The following NIBAN3 variants were observed in gnomAD, a reference collection of about 807,000 sequenced individuals.
NIBAN3 encodes niban apoptosis regulator 3.
Under a neutral mutation model 76.4 loss-of-function variants are expected in NIBAN3, and 66 were observed. The ratio of observed to expected loss-of-function variants is 0.86; its 90% CI spans 0.71 to 1.06. The LOEUF is 1.06. Ranked by LOEUF, NIBAN3 falls within the 50% of genes least tolerant of loss-of-function variation. NIBAN3 has a pLI of 0.00. For synonymous variants in NIBAN3, 360 were observed against 355.2 expected, an observed-to-expected ratio of 1.01 and a Z score of -0.15; for missense variants, 808 against 810.7, an observed-to-expected ratio of 1.00 and a Z score of 0.04.
intron 14 of NIBAN3, among the ~76,000 whole-genome samples, chr19:17,550,916 T>C (rs1196648448): frequency 1.4e-5 from 2 of 145,828 alleles, no homozygotes; most frequent in African/African-American, 5.1e-5. Flanking sequence ...CCTCAGAATT[T>C]AAAGTATGTG....
upstream of NIBAN3, among the ~76,000 whole-genome samples, chr19:17,524,915 T>G (rs116234123): frequency 6.6e-6 from 1 of 152,216 alleles, no homozygotes; most frequent in Admixed American, 6.5e-5. Flanking sequence ...ATGGCCAGCC[T>G]GGGTTGCACA....
At chr19:17,539,579 TC>T (rs779867144) in intron 7 of NIBAN3, 23 bp from the exon 8 acceptor site, 12 of 1,512,492 alleles carry the variant, frequency 7.9e-6, no homozygotes, top group Non-Finnish European at 1.1e-5. Context: ...CTCGGCTTTG[TC>T]CCCCCTCGAC....
In NIBAN3 at chr19:17,540,430, G is replaced by T. The variant is rs756999527; in HGVS notation, c.1018G>T (p.Glu340Ter). Reference protein sequence around the residue: ...RGPLESCLRREVDPQLPRVVQ... With the variant: ...RGPLESCLRR The stretch of plus-strand genomic sequence containing the variant: ...ACCGCTCGAGTCGTGCCTGCGCCGG[G>T]AGGTGGACCCGCAGCTGCCCCGGGT... Residue 340 changes from glutamate to a stop codon, truncating the protein, a stop_gained, in exon 9 of 15, where the codon GAG (glutamate) becomes TAG (stop). Coordinates refer to ENST00000599164, the MANE Select transcript of NIBAN3 (RefSeq NM_001321827.2). LOFTEE classifies it high-confidence loss of function. 1 of 1,538,566 alleles carries T rather than the reference G, an allele frequency of 6.5e-7. No homozygotes were observed. Among genetic ancestry groups the T allele is most frequent in the Non-Finnish European group, 8.8e-7 (1 of 1,141,930 alleles).
rs369168364 is a variant in NIBAN3, at chr19:17,546,672, C to T, written c.1555-14C>T. 4.9e-5 allele frequency: 76 copies of T among 1,536,598 alleles called. 1 individual carries two copies. In the Middle Eastern group the frequency reaches 1.2e-3, roughly 24 times the overall value. ...CTCCTCTCCATCCGAGCCCCTAACC[C>T]GCCATGGTTCCAGGAGCTGCCTGAG... On this transcript the variant is annotated splice_polypyrimidine_tract_variant and intron_variant, in intron 12 of 14. Transcript: ENST00000599164.
intron 4 of NIBAN3, among the ~76,000 whole-genome samples, chr19:17,534,517 C>T (rs1466292678): frequency 1.3e-5 from 2 of 151,692 alleles, no homozygotes; most frequent in African/African-American, 4.8e-5. Flanking sequence ...GTAGGCCGGG[C>T]GTGGTGGCTC....
At chr19:17,555,523 C>T, downstream of NIBAN3, 1 of 431,494 alleles carries the variant, frequency 2.3e-6, no homozygotes, top group Non-Finnish European at 3.4e-6. Context: ...GCGGGGCGTC[C>T]TGGGTAGGGC....
In NIBAN3 at chr19:17,539,428, G is replaced by C; in HGVS notation, c.793G>C (p.Ala265Pro). Residue 265 changes from alanine to proline, a missense_variant, in exon 7 of 15, where the codon GCC (alanine) becomes CCC (proline). Ala to Pro is a conservative substitution (Grantham distance 27). Coordinates refer to ENST00000599164, the MANE Select transcript of NIBAN3 (RefSeq NM_001321827.2). ...TCCTGGCCTGCGGGGGGCAGGCCGCGCCCGCGCCTGGGCCTGGACCGAGGT... is the reference window on the plus strand; with the variant it reads ...TCCTGGCCTGCGGGGGGCAGGCCGCCCCCGCGCCTGGGCCTGGACCGAGGT... ...TLPGLRGAGR[A>P]RAWAWTELLD... 6.6e-7 allele frequency: 1 copy of C among 1,505,332 alleles called. No homozygotes were observed. Among genetic ancestry groups the C allele is most frequent in the Non-Finnish European group, 8.8e-7 (1 of 1,131,544 alleles). The allele number at this position is 1,505,332 out of a possible 1,614,324, so 93.2% of individuals were successfully genotyped here. A position where few individuals can be genotyped will look rare whatever the true frequency, so the allele number is the denominator to read the frequency against.
chr19:17,535,979 C>T (rs73504255), intron 4 of NIBAN3, among the ~76,000 whole-genome samples: 1 of 152,038 alleles, frequency 6.6e-6, no homozygotes, highest in Non-Finnish European at 1.5e-5. Flanking sequence ...GTGTCCCAGA[C>T]GTATCAAGGA....
At chr19:17,554,779 C>CAAAA, downstream of NIBAN3, among the ~76,000 whole-genome samples, 1 of 118,288 alleles carries the variant, frequency 8.5e-6, no homozygotes, top group Admixed American at 9.2e-5. Context: ...GACGCTGTCT[C>CAAAA]AAAAAAAAAA....
Position 17,531,771 on chromosome 19 carries a change from T to C in NIBAN3, c.187-492T>C, listed in dbSNP as rs541802519. 5.3e-5 allele frequency among the ~76,000 whole-genome samples: 8 copies of C among 152,282 alleles called. No individual in the cohort carries two copies. The South Asian group carries it at 1.7e-3, about 32-fold the overall frequency. On this transcript the variant is annotated intron_variant, in intron 2 of 14. Transcript: ENST00000599164. ...CTGATCTCGAACTCCTGACCTCAAG[T>C]GATCTCCCCACCTTGGCCTCCCAAA...
chr19:17,551,105 T>C (rs2076147785), intron 14 of NIBAN3, among the ~76,000 whole-genome samples: 1 of 151,954 alleles, frequency 6.6e-6, no homozygotes, highest in Non-Finnish European at 1.5e-5. Context: ...TATTTATTTA[T>C]TTATTTTTTG....
chr19:17,528,666 G>A (rs776232347), intron 1 of NIBAN3, among the ~76,000 whole-genome samples: 5 of 152,104 alleles, frequency 3.3e-5, no homozygotes, highest in Non-Finnish European at 7.4e-5. Context: ...GCTGGGCGCT[G>A]GGGACATTGT....
At position 17,551,991 on chromosome 19, in the gene NIBAN3, A is replaced by G; in HGVS notation, c.*93A>G. 3.3e-6 allele frequency: 2 copies of G among 610,736 alleles called. No individual in the cohort carries two copies. The allele number at this position is 610,736 out of a possible 1,614,324, so 37.8% of individuals were successfully genotyped here. The stretch of plus-strand genomic sequence containing the variant: ...GGATGTGCCATCTTTAGGCTTTTGT[A>G]ACCCCTGCAACTTCAGAAAACTGTA... On this transcript the variant is annotated 3_prime_UTR_variant, in exon 15 of 15. Coordinates refer to ENST00000599164, the MANE Select transcript of NIBAN3 (RefSeq NM_001321827.2).
At chr19:17,530,715 G>C (rs1253071770) in intron 1 of NIBAN3, 40 bp from the exon 2 acceptor site, 4 of 1,574,090 alleles carry the variant, frequency 2.5e-6, no homozygotes. Context: ...CTCCTGGGCA[G>C]ATTCAATTTG....
At chr19:17,531,372 CA>C (rs1491339738) in intron 2 of NIBAN3, among the ~76,000 whole-genome samples, 1 of 138,244 alleles carries the variant, frequency 7.2e-6, no homozygotes, top group East Asian at 2.1e-4. Context: ...CACACACACA[CA>C]ACCATTCACT....
At chr19:17,546,596 T>C in intron 12 of NIBAN3, 90 bp from the exon 13 acceptor site, 2 of 1,311,106 alleles carry the variant, frequency 1.5e-6, no homozygotes, top group Non-Finnish European at 1.9e-6. Context: ...CCACAGCTAA[T>C]CAGGCCCAGG....
intron 2 of NIBAN3, 147 bp from the exon 3 acceptor site, chr19:17,532,116 C>A: frequency 9.0e-7 from 1 of 1,108,498 alleles, no homozygotes; most frequent in Non-Finnish European, 1.2e-6. Context: ...GGACACAGAG[C>A]CCCTTCCTGC....
intron 14 of NIBAN3, chr19:17,549,820 CT>C (rs2076125124): frequency 7.8e-6 from 4 of 515,206 alleles, no homozygotes; most frequent in East Asian, 2.9e-5. Context: ...CTCTCTCTCT[CT>C]CTCTCTTTTT....
At chr19:17,534,254 C>G (rs887032110) in intron 4 of NIBAN3, among the ~76,000 whole-genome samples, 3 of 152,168 alleles carry the variant, frequency 2.0e-5, no homozygotes, top group African/African-American at 7.2e-5. Flanking sequence ...GTGGCTCATG[C>G]CTATAATCCC....
Sources: allele counts gnomAD v4.1 joint callset (sites outside exome capture counted in the v4.1 genomes callset), GRCh38; gene constraint gnomAD v4.1.1; transcripts MANE v1.5; gene names NCBI Gene and HGNC (gene_info 2026-07-23, HGNC 2026-07-21).